Variants in GRIP1 observed in about 807,000 individuals in gnomAD.
GRIP1 encodes the protein glutamate receptor interacting protein 1.
Under a neutral mutation model 129.9 loss-of-function variants are expected in GRIP1, and 45 were observed. The ratio of observed to expected loss-of-function variants is 0.35; its 90% CI spans 0.27 to 0.44. The LOEUF (loss-of-function observed/expected upper bound fraction) is 0.44. Among genes scored for constraint, GRIP1 ranks in the 20% least tolerant of loss-of-function variants. The pLI is 1.00. For synonymous variants in GRIP1, 530 were observed against 520.8 expected, an observed-to-expected ratio of 1.02 and a Z score of -0.24; for missense variants, 1,196 against 1,396.8, an observed-to-expected ratio of 0.86 and a Z score of 2.29.
At chr12:66,687,619 A>G (rs1479190438) in intron 1 of GRIP1, among the ~76,000 whole-genome samples, 1 of 152,178 alleles carries the variant, frequency 6.6e-6, no homozygotes, top group Non-Finnish European at 1.5e-5. Context: ...TGTAGTTCTA[A>G]ATTTTAACTT....
intron 2 of GRIP1, among the ~76,000 whole-genome samples, chr12:66,573,579 G>A (rs1015642543): frequency 6.6e-6 from 1 of 152,150 alleles, no homozygotes; most frequent in Non-Finnish European, 1.5e-5. Context: ...AGTAGTAGGT[G>A]GCAGGGCCGG....
intron 22 of GRIP1, 109 bp downstream of exon 22, chr12:66,376,908 T>C (rs538531384): frequency 1.2e-6 from 1 of 816,942 alleles, no homozygotes; most frequent in African/African-American, 1.7e-5. Context: ...GGGGTGGAGA[T>C]GGGGATATAC....
intron 1 of GRIP1, among the ~76,000 whole-genome samples, chr12:66,866,405 CAA>C (rs1324079801): frequency 3.9e-5 from 6 of 152,104 alleles, no homozygotes; most frequent in African/African-American, 1.4e-4. Context: ...CCCAGAAGTT[CAA>C]GACTGCGATG....
At chr12:66,456,542 T>C (rs1331365178) in intron 9 of GRIP1, among the ~76,000 whole-genome samples, 200 bp from the exon 10 acceptor site, 10 of 152,138 alleles carry the variant, frequency 6.6e-5, no homozygotes, top group Admixed American at 6.5e-4. Flanking sequence ...GGATGTAAAC[T>C]TTTCATCTTC....
intron 14 of GRIP1, among the ~76,000 whole-genome samples, chr12:66,424,339 A>G (rs1008003449): frequency 5.3e-5 from 8 of 152,248 alleles, no homozygotes; most frequent in African/African-American, 1.9e-4. Context: ...ATATACATGC[A>G]TACAATTTAA....
intron 1 of GRIP1, among the ~76,000 whole-genome samples, chr12:66,786,729 T>C (rs531041544): frequency 6.6e-6 from 1 of 152,240 alleles, no homozygotes; most frequent in Admixed American, 6.5e-5. Context: ...GGTCCTCACA[T>C]GACTAGGAAG....
intron 1 of GRIP1, among the ~76,000 whole-genome samples, chr12:67,032,829 T>A (rs563927984): frequency 1.3e-5 from 2 of 152,314 alleles, no homozygotes; most frequent in South Asian, 4.1e-4. Context: ...TAATCTTAAA[T>A]ATTTCAGGAG....
chr12:66,526,321 A>C (rs1290356967), intron 5 of GRIP1, among the ~76,000 whole-genome samples: 126 of 152,230 alleles, frequency 8.3e-4, no homozygotes, highest in African/African-American at 2.7e-3. Context: ...GTACTGGTAC[A>C]AAAACACAGA....
chr12:66,403,661 T>C (rs1175757058), intron 16 of GRIP1, among the ~76,000 whole-genome samples: 3 of 152,198 alleles, frequency 2.0e-5, no homozygotes, highest in Admixed American at 6.5e-5. Context: ...GGTGGTTGTA[T>C]GTTTTTCAAT....
chr12:66,797,352 G>A (rs1391728488), intron 1 of GRIP1, among the ~76,000 whole-genome samples: 3 of 152,134 alleles, frequency 2.0e-5, no homozygotes, highest in Non-Finnish European at 4.4e-5. Flanking sequence ...TCTTCCAGCT[G>A]TTTGGGATGT....
chr12:66,390,900 A>G (rs1433137156), intron 19 of GRIP1, among the ~76,000 whole-genome samples: 6 of 152,220 alleles, frequency 3.9e-5, no homozygotes, highest in Admixed American at 6.5e-5. Flanking sequence ...TGGAAAAATT[A>G]ATTGCCAGAT....
At position 66,746,188 on chromosome 12, in the gene GRIP1, CT is replaced by C. The variant is rs1017782759; in HGVS notation, c.-420+57864del. On this transcript the variant is annotated intron_variant, in intron 1 of 4. Transcript: ENST00000538373. ...TTGTTGTTTGAAAAATAAAATAAAGCTGCTGAACTGACTGGGAGAACTTAGA... is the reference window on the plus strand; with the variant it reads ...TTGTTGTTTGAAAAATAAAATAAAGCGCTGAACTGACTGGGAGAACTTAGA... 9.9e-4 allele frequency among the ~76,000 whole-genome samples: 151 copies of C among 152,240 alleles called. 1 individual carries two copies. Among genetic ancestry groups the C allele is most frequent in the African/African-American group, 3.5e-3 (147 of 41,548 alleles).
chr12:66,353,599 G>C, intron 23 of GRIP1, 36 bp from the exon 24 acceptor site: 1 of 1,602,302 alleles, frequency 6.2e-7, no homozygotes, highest in Non-Finnish European at 8.6e-7. Context: ...TATTTAGCTG[G>C]GGTGGAGACT....
chr12:66,394,326 T>C lies in GRIP1; in HGVS notation c.2011A>G (p.Ile671Val), dbSNP rs1288055769. ...SDEQESSGAI[I>V]YTVELKRYGG... is the part of the protein sequence containing the mutation. ...TAGCGTTTAAGCTCCACGGTGTAAATAATTGCTCCGGAACTTTCTTGCTCA... is the reference window on the plus strand; with the variant it reads ...TAGCGTTTAAGCTCCACGGTGTAAACAATTGCTCCGGAACTTTCTTGCTCA... The change falls in exon 17 of 25, where the codon ATT (isoleucine) becomes GTT (valine). Residue 671 changes from isoleucine (I) to valine (V), a missense_variant. Transcript: ENST00000359742. 1.2e-6 allele frequency: 2 copies of C among 1,613,956 alleles called. No homozygotes were observed. Among genetic ancestry groups the C allele is most frequent in the Non-Finnish European group, 1.7e-6 (2 of 1,179,926 alleles).
At chr12:66,941,322 T>C (rs1180296457) in intron 1 of GRIP1, among the ~76,000 whole-genome samples, 1 of 152,170 alleles carries the variant, frequency 6.6e-6, no homozygotes, top group Non-Finnish European at 1.5e-5. Flanking sequence ...CCCATGGAGG[T>C]TACAATTTCA....
intron 1 of GRIP1, among the ~76,000 whole-genome samples, chr12:67,045,829 C>T (rs183308549): frequency 5.3e-5 from 8 of 152,290 alleles, no homozygotes; most frequent in Admixed American, 1.3e-4. Context: ...ATGCTGGTGA[C>T]AGGGCCGGGG....
intron 7 of GRIP1, among the ~76,000 whole-genome samples, chr12:66,498,885 A>G (rs1189080364): frequency 6.6e-6 from 1 of 152,188 alleles, no homozygotes; most frequent in East Asian, 1.9e-4. Context: ...CAAGGAGGAG[A>G]AGATTATAAA....
chr12:66,538,285 G>A (rs1037228617), intron 4 of GRIP1, among the ~76,000 whole-genome samples: 6 of 150,056 alleles, frequency 4.0e-5, no homozygotes, highest in Admixed American at 1.3e-4. Flanking sequence ...CTGCAGCCTC[G>A]ACCTTCTGGG....
intron 1 of GRIP1, among the ~76,000 whole-genome samples, chr12:67,012,512 C>T (rs1049825259): frequency 3.3e-5 from 5 of 152,118 alleles, no homozygotes; most frequent in African/African-American, 1.2e-4. Context: ...CACTTAGGAC[C>T]TGCCCATTAA....
Sources: gnomAD v4.1 joint callset for allele counts (sites outside exome capture counted in the v4.1 genomes callset) on GRCh38, gnomAD v4.1.1 for gene constraint, MANE v1.5 for transcripts, NCBI Gene and HGNC (gene_info 2026-07-23, HGNC 2026-07-21) for gene names.